The following TBC1D19 variants were observed in gnomAD, a reference collection of about 807,000 sequenced individuals.
The protein encoded by TBC1D19 is TBC1 domain family, member 19.
In TBC1D19, 60 loss-of-function variants were observed where a neutral mutation model predicts 89.0. The observed-to-expected ratio is 0.67, with a 90% CI of 0.55 to 0.84. The LOEUF (loss-of-function observed/expected upper bound fraction) is 0.84. TBC1D19 is among the 40% of genes least tolerant of loss of function. The pLI is 0.00. For synonymous variants in TBC1D19, 189 were observed against 199.7 expected, an observed-to-expected ratio of 0.95 and a Z score of 0.45; for missense variants, 500 against 610.8, an observed-to-expected ratio of 0.82 and a Z score of 1.91.
chr4:26,818,476 G>A, the TBC1D19 span, among the ~76,000 whole-genome samples: 3 of 152,084 alleles, frequency 2.0e-5, no homozygotes, highest in Admixed American at 6.6e-5. Context: ...AGCTGGTCTC[G>A]AACTCCTGGG....
intron 7 of TBC1D19, among the ~76,000 whole-genome samples, chr4:26,645,931 G>A (rs1386208242): frequency 1.3e-5 from 2 of 151,546 alleles, no homozygotes; most frequent in African/African-American, 2.4e-5. Flanking sequence ...AGACCATCCC[G>A]GCTAAAACGG....
chr4:26,655,875 T>C (rs963257035), intron 7 of TBC1D19, among the ~76,000 whole-genome samples: 5 of 152,146 alleles, frequency 3.3e-5, no homozygotes, highest in Non-Finnish European at 7.4e-5. Flanking sequence ...CTGCACCCAC[T>C]GTCCTGCACC....
chr4:26,847,257 C>T, the TBC1D19 span, among the ~76,000 whole-genome samples: 2 of 152,108 alleles, frequency 1.3e-5, no homozygotes, highest in African/African-American at 4.8e-5. Flanking sequence ...GCAATCTATA[C>T]TATTTTAGGT....
chr4:26,745,454 A>G (rs1718598173), intron 18 of TBC1D19, among the ~76,000 whole-genome samples: 1 of 146,348 alleles, frequency 6.8e-6, no homozygotes, highest in South Asian at 2.2e-4. Context: ...TTATACTTTT[A>G]AAGTATGTTT....
At chr4:26,673,642 AGGTAAAGATAC>A in intron 10 of TBC1D19, 123 bp from the exon 11 acceptor site, 1 of 648,234 alleles carries the variant, frequency 1.5e-6, no homozygotes. Flanking sequence ...AAATTTTAAA[AGGTAAAGATAC>A]GGTGTAATTA....
Position 26,682,319 on chromosome 4 carries a change from C to T in TBC1D19, c.817-1356C>T, listed in dbSNP as rs113655189. On this transcript the variant is annotated intron_variant, in intron 11 of 20. Transcript: ENST00000264866. ...TAAAAAATGAAAACATCAATAAGGA[C>T]CAATTAAGGCTTTTTAATTAAAATT... Among the ~76,000 whole-genome samples, 126 of 152,132 alleles carry T rather than the reference C, an allele frequency of 8.3e-4. 1 individual carries two copies. Among genetic ancestry groups the T allele is most frequent in the Non-Finnish European group, 1.7e-3 (115 of 67,976 alleles).
chr4:26,684,197 G>C (rs1250729966), intron 12 of TBC1D19, among the ~76,000 whole-genome samples: 1 of 152,046 alleles, frequency 6.6e-6, no homozygotes, highest in Non-Finnish European at 1.5e-5. Context: ...CAGGTTTTAA[G>C]GTAGAGACAC....
chr4:26,740,287 A>G (rs186536092), intron 17 of TBC1D19, among the ~76,000 whole-genome samples: 8 of 152,270 alleles, frequency 5.3e-5, no homozygotes, highest in East Asian at 1.9e-4. Context: ...TTTCTTATCT[A>G]TGAAATGAAG....
At chr4:26,800,949 C>T in the TBC1D19 span, among the ~76,000 whole-genome samples, 2 of 152,180 alleles carry the variant, frequency 1.3e-5, no homozygotes, top group South Asian at 2.1e-4. Context: ...TTCTCCCATT[C>T]TGTAGGTTGC....
intron 8 of TBC1D19, chr4:26,662,769 G>A (rs1294629357): frequency 6.6e-6 from 1 of 152,212 alleles, no homozygotes; most frequent in Non-Finnish European, 1.5e-5. Flanking sequence ...GTGATTTCAA[G>A]CCTGGAATTC....
chr4:26,683,834 A>G, intron 12 of TBC1D19, 85 bp downstream of exon 12: 1 of 1,067,516 alleles, frequency 9.4e-7, no homozygotes, highest in African/African-American at 1.6e-5. Context: ...TGTGCTATGT[A>G]TGATATATAT....
chr4:26,797,527 G>A, the TBC1D19 span, among the ~76,000 whole-genome samples: 1 of 152,076 alleles, frequency 6.6e-6, no homozygotes, highest in Non-Finnish European at 1.5e-5. Context: ...ATTTTTAACA[G>A]AATTAGAAGA....
chr4:26,614,454 G>A lies in TBC1D19; in HGVS notation c.218+1G>A. On this transcript the variant is annotated splice_donor_variant, in intron 3 of 20. Coordinates refer to ENST00000264866, the MANE Select transcript of TBC1D19 (RefSeq NM_018317.4). LOFTEE classifies it high-confidence loss of function. ...ATGCTGTTTATAGTGAACTGAGTGT[G>A]TGAGTTTTCCCACCTATTTTACAAT... 1 of 1,584,680 alleles carries A rather than the reference G, an allele frequency of 6.3e-7. No individual in the cohort carries two copies.
At chr4:26,720,949 T>A (rs1716935178) in intron 15 of TBC1D19, among the ~76,000 whole-genome samples, 1 of 152,098 alleles carries the variant, frequency 6.6e-6, no homozygotes, top group Admixed American at 6.6e-5. Context: ...TATGAGTGTG[T>A]TTAACTTTAC....
chr4:26,701,563 A>G lies in TBC1D19; in HGVS notation c.954+13156A>G, dbSNP rs572534896. Among the ~76,000 whole-genome samples, 24 of 152,074 alleles carry G rather than the reference A, an allele frequency of 1.6e-4. No homozygotes were observed. The South Asian group carries it at 4.8e-3, about 30-fold the overall frequency. On this transcript the variant is annotated intron_variant, in intron 13 of 20. Transcript: ENST00000264866. ...TTTCATTGATGGGGTTATCTTTTTC[A>G]TTATTGAGAAGGAAGCTTTCTTCTT...
At chr4:26,822,181 G>A in the TBC1D19 span, among the ~76,000 whole-genome samples, 1 of 152,184 alleles carries the variant, frequency 6.6e-6, no homozygotes, top group Non-Finnish European at 1.5e-5. Context: ...ACTCTCTCTG[G>A]CAGAGACACA....
intron 6 of TBC1D19, 100 bp downstream of exon 6, chr4:26,638,934 G>A (rs1446825474): frequency 2.0e-6 from 2 of 980,838 alleles, no homozygotes; most frequent in African/African-American, 1.7e-5. Context: ...TGGGAAGATT[G>A]CAATTTTCCT....
the TBC1D19 span, among the ~76,000 whole-genome samples, chr4:26,771,844 G>GA: frequency 8.2e-4 from 125 of 151,902 alleles, 1 homozygote; most frequent in African/African-American, 3.0e-3. Context: ...AGAAAAAAGT[G>GA]AAAAAATTAA....
chr4:26,682,570 A>G (rs1464064951), intron 11 of TBC1D19, among the ~76,000 whole-genome samples: 1 of 152,248 alleles, frequency 6.6e-6, no homozygotes, highest in African/African-American at 2.4e-5. Flanking sequence ...AGGAGGAGTC[A>G]TACAGATCCG....
Sources: gnomAD v4.1 joint callset for allele counts (sites outside exome capture counted in the v4.1 genomes callset) on GRCh38, gnomAD v4.1.1 for gene constraint, MANE v1.5 for transcripts, NCBI Gene and HGNC (gene_info 2026-07-23, HGNC 2026-07-21) for gene names.